The following MTMR8 variants were observed in gnomAD, a reference collection of about 807,000 sequenced individuals.
The protein encoded by MTMR8 is myotubularin related protein 8.
A neutral mutation model predicts 39.3 loss-of-function variants in MTMR8; 65 were observed. The ratio of observed to expected loss-of-function variants is 1.65; its 90% CI spans 1.35 to 2.03. MTMR8 has a LOEUF of 2.03. MTMR8 is among the 30% of genes most tolerant of loss of function. MTMR8 has a pLI of 0.00. For missense variants in MTMR8, 777 were observed against 538.9 expected (o/e 1.44, Z -4.37); for synonymous variants, 245 against 185.2 (o/e 1.32, Z -2.62).
intron 1 of MTMR8, among the ~76,000 whole-genome samples, chrX:64,380,081 C>T (rs755326743): frequency 8.0e-5 from 9 of 112,119 alleles, no homozygotes; most frequent in Non-Finnish European, 1.5e-4. Flanking sequence ...ACATCAGTGG[C>T]TTAGCCTCAC....
At chrX:64,287,249 AC>A (rs1432207958) in intron 12 of MTMR8, among the ~76,000 whole-genome samples, 1 of 111,136 alleles carries the variant, frequency 9.0e-6, no homozygotes, top group Non-Finnish European at 1.9e-5. Context: ...TAGGAATCCA[AC>A]TTACAAGGGA....
intron 4 of MTMR8, among the ~76,000 whole-genome samples, chrX:64,350,394 C>T (rs995339828): frequency 4.5e-5 from 5 of 111,202 alleles, no homozygotes; most frequent in African/African-American, 1.6e-4. Context: ...TGTTTTTGCT[C>T]TGATATGCAC....
At chrX:64,340,015 G>C (rs1602138378) in intron 8 of MTMR8, among the ~76,000 whole-genome samples, 1 of 111,443 alleles carries the variant, frequency 9.0e-6, no homozygotes, top group African/African-American at 3.3e-5. Context: ...GCATAAACCT[G>C]TGATGGTACC....
chrX:64,390,493 T>A (rs1924665084), intron 1 of MTMR8, among the ~76,000 whole-genome samples: 1 of 112,090 alleles, frequency 8.9e-6, no homozygotes, highest in Non-Finnish European at 1.9e-5. Flanking sequence ...CTACCTCTGC[T>A]ACTTGCTAGA....
chrX:64,348,797 G>A lies in MTMR8; in HGVS notation c.598-3C>T. On this transcript the variant is annotated splice_region_variant and splice_polypyrimidine_tract_variant and intron_variant, in intron 5 of 13. Transcript: ENST00000374852. ...TGGCTACAGCGGCAAATGGCAGCCTGTAAGGAAAAGGTGTGTCAGTTGAGT... is the reference window on the plus strand; with the variant it reads ...TGGCTACAGCGGCAAATGGCAGCCTATAAGGAAAAGGTGTGTCAGTTGAGT... 1 of 1,209,853 alleles carries A rather than the reference G, an allele frequency of 8.3e-7. No homozygotes were observed. The highest frequency in any genetic ancestry group is 1.1e-6 in the Non-Finnish European group (1 of 894,255).
intron 1 of MTMR8, among the ~76,000 whole-genome samples, chrX:64,362,995 G>T (rs1428425078): frequency 9.0e-6 from 1 of 110,599 alleles, no homozygotes; most frequent in African/African-American, 3.3e-5. Context: ...CAAAACATTG[G>T]GAATAAAATA....
intron 1 of MTMR8, among the ~76,000 whole-genome samples, chrX:64,380,327 C>G (rs1164116155): frequency 8.9e-6 from 1 of 112,849 alleles, no homozygotes; most frequent in African/African-American, 3.2e-5. Flanking sequence ...TCTGCAGTGA[C>G]TTAGCCTCAC....
At chrX:64,321,401 A>G (rs920787714) in intron 12 of MTMR8, among the ~76,000 whole-genome samples, 1 of 112,213 alleles carries the variant, frequency 8.9e-6, no homozygotes, top group Non-Finnish European at 1.9e-5. Flanking sequence ...AAACAAAACA[A>G]AACAGAAATT....
At chrX:64,282,305 G>A (rs1028200031) in intron 12 of MTMR8, among the ~76,000 whole-genome samples, 12 of 110,977 alleles carry the variant, frequency 1.1e-4, no homozygotes, top group African/African-American at 3.3e-5. Context: ...CAATAGCTAA[G>A]ACTTGGAACC....
intron 12 of MTMR8, among the ~76,000 whole-genome samples, chrX:64,320,897 G>C (rs988606163): frequency 1.1e-4 from 12 of 111,832 alleles, no homozygotes; most frequent in Admixed American, 4.8e-4. Context: ...CAAAGACTAG[G>C]AGAACTATTG....
At chrX:64,312,002 C>T (rs1391137410) in intron 12 of MTMR8, among the ~76,000 whole-genome samples, 1 of 110,838 alleles carries the variant, frequency 9.0e-6, no homozygotes, top group East Asian at 2.8e-4. Context: ...TTTTTGGTTC[C>T]ATATGAACTT....
chrX:64,348,301 T>C (rs1342985226), intron 6 of MTMR8, among the ~76,000 whole-genome samples: 2 of 110,612 alleles, frequency 1.8e-5, no homozygotes, highest in Non-Finnish European at 3.8e-5. Flanking sequence ...TTCCAATGTC[T>C]AAGTTGAAGC....
chrX:64,278,459 G>GTTT lies in MTMR8; in HGVS notation c.1482-7387_1482-7386insAAA, dbSNP rs1931928205. On this transcript the variant is annotated intron_variant, in intron 12 of 13. Coordinates refer to ENST00000374852, the MANE Select transcript of MTMR8 (RefSeq NM_017677.4). Reference sequence around the variant, plus strand: ...TGATGTTGATGCTATTTATTTTGCTGGTTTTTTTTTTTTTTTTTTTTTTTT... The same window carrying GTTT: ...TGATGTTGATGCTATTTATTTTGCTGTTTGTTTTTTTTTTTTTTTTTTTTTTTT... Among the ~76,000 whole-genome samples, 63 of 49,855 alleles carry GTTT rather than the reference G, an allele frequency of 1.3e-3. 23 individuals carry two copies. The highest frequency in any genetic ancestry group is 6.8e-3 in the African/African-American group (59 of 8,740). The allele number at this position is 49,855 out of a possible 115,157, so 43.3% of individuals were successfully genotyped here.
intron 10 of MTMR8, among the ~76,000 whole-genome samples, chrX:64,333,663 C>T (rs1922999751): frequency 1.8e-5 from 2 of 111,622 alleles, no homozygotes; most frequent in African/African-American, 6.5e-5. Context: ...TCTCTTCTAC[C>T]CCCTTGAGAG....
chrX:64,299,859 G>T (rs1233006245), intron 12 of MTMR8, among the ~76,000 whole-genome samples: 1 of 88,435 alleles, frequency 1.1e-5, no homozygotes, highest in Non-Finnish European at 2.2e-5. Flanking sequence ...TTCAGGAGCA[G>T]GTTGTTCAGT....
At chrX:64,287,324 C>T (rs865788139) in intron 12 of MTMR8, among the ~76,000 whole-genome samples, 2 of 111,374 alleles carry the variant, frequency 1.8e-5, no homozygotes, top group African/African-American at 6.5e-5. Flanking sequence ...AGGATACAAA[C>T]AAATGGAAGA....
At chrX:64,373,652 G>A (rs1460759792) in intron 1 of MTMR8, among the ~76,000 whole-genome samples, 1 of 111,237 alleles carries the variant, frequency 9.0e-6, no homozygotes, top group Admixed American at 9.7e-5. Flanking sequence ...AACCGTGTGT[G>A]GTTGGGGAGA....
intron 12 of MTMR8, among the ~76,000 whole-genome samples, chrX:64,289,031 A>T (rs747861474): frequency 9.1e-6 from 1 of 109,978 alleles, no homozygotes; most frequent in African/African-American, 3.3e-5. Flanking sequence ...AAATATATAT[A>T]TATAAATATC....
At chrX:64,382,370 G>C (rs1349643896) in intron 1 of MTMR8, among the ~76,000 whole-genome samples, 1 of 111,449 alleles carries the variant, frequency 9.0e-6, no homozygotes, top group East Asian at 2.8e-4. Context: ...AAGCAATTGT[G>C]AATGGGAGTT....
Sources: allele counts gnomAD v4.1 joint callset (sites outside exome capture counted in the v4.1 genomes callset), GRCh38; gene constraint gnomAD v4.1.1; transcripts MANE v1.5; gene names NCBI Gene and HGNC (gene_info 2026-07-23, HGNC 2026-07-21).